NDFIP1: variants seen among roughly 807,000 people sequenced by gnomAD.
NDFIP1 encodes the protein Nedd4 family interacting protein 1, also known as NEDD4 family-interacting protein 1.
NDFIP1 carries 7 observed loss-of-function variants against 28.8 expected under a neutral mutation model. That is an observed-to-expected ratio of 0.24 (90% CI 0.14 to 0.46). NDFIP1 has a LOEUF of 0.46. Ranked by LOEUF, NDFIP1 falls within the 20% of genes least tolerant of loss-of-function variation. NDFIP1 has a pLI of 0.99. For missense variants in NDFIP1, 194 were observed against 269.1 expected, an observed-to-expected ratio of 0.72 and a Z score of 1.95; for synonymous variants, 92 against 101.0, an observed-to-expected ratio of 0.91 and a Z score of 0.53.
chr5:142,135,214 G>T (rs555342864), intron 3 of NDFIP1, among the ~76,000 whole-genome samples: 82 of 152,108 alleles, frequency 5.4e-4, no homozygotes, highest in African/African-American at 2.0e-3. Flanking sequence ...TCCTGACCTC[G>T]TGATCTGCCT....
intron 1 of NDFIP1, among the ~76,000 whole-genome samples, chr5:142,128,754 A>G (rs1757196733): frequency 6.6e-6 from 1 of 152,212 alleles, no homozygotes; most frequent in African/African-American, 2.4e-5. Flanking sequence ...TTTCAATTGA[A>G]AAAAGTACAC....
chr5:142,148,450 A>G (rs1757412888), intron 7 of NDFIP1, among the ~76,000 whole-genome samples: 1 of 152,178 alleles, frequency 6.6e-6, no homozygotes, highest in African/African-American at 2.4e-5. Flanking sequence ...CACAGTGGCC[A>G]TCAAGAAGTA....
At position 142,153,412 on chromosome 5, in the gene NDFIP1, C is replaced by G. The variant is rs772535162; in HGVS notation, c.*1684C>G. ...TCCAGAATCAGCATAGGAAGTCGTT[C>G]AGGATATCAGTATATAATGCACAGA... On this transcript the variant is annotated 3_prime_UTR_variant, in exon 8 of 8. Coordinates refer to ENST00000253814, the MANE Select transcript of NDFIP1 (RefSeq NM_030571.4). 4.4e-6 allele frequency: 2 copies of G among 457,024 alleles called. No individual in the cohort carries two copies. The highest frequency in any genetic ancestry group is 1.5e-5 in the South Asian group (1 of 64,558). 28.3% of individuals were successfully genotyped at this position (457,024 alleles called of 1,614,324 possible).
chr5:142,145,080 A>G (rs1461506913), intron 7 of NDFIP1, among the ~76,000 whole-genome samples: 1 of 152,200 alleles, frequency 6.6e-6, no homozygotes, highest in Non-Finnish European at 1.5e-5. Context: ...AAATCCCAGA[A>G]CCTGGAGAGA....
intron 1 of NDFIP1, among the ~76,000 whole-genome samples, chr5:142,130,239 A>G (rs1400112788): frequency 2.0e-5 from 3 of 152,222 alleles, no homozygotes; most frequent in Admixed American, 6.5e-5. Context: ...ACCAAATGAA[A>G]TGTCTTTATT....
intron 4 of NDFIP1, among the ~76,000 whole-genome samples, chr5:142,136,755 C>A (rs370294744): frequency 0.013 from 951 of 75,936 alleles, no homozygotes; most frequent in South Asian, 0.017. Flanking sequence ...GACTTCGTCT[C>A]AAAAAAAAAA....
intron 3 of NDFIP1, 75 bp downstream of exon 3, chr5:142,132,417 C>T (rs1041259335): frequency 1.0e-5 from 16 of 1,524,340 alleles, no homozygotes; most frequent in Middle Eastern, 1.8e-4. Context: ...AATTTTGATT[C>T]GTTACTTATG....
chr5:142,121,334 T>A (rs1757120099), intron 1 of NDFIP1, among the ~76,000 whole-genome samples: 1 of 152,232 alleles, frequency 6.6e-6, no homozygotes, highest in Non-Finnish European at 1.5e-5. Context: ...CTCCTTTGTG[T>A]TTCTTTTCTG....
At chr5:142,125,551 G>T (rs1757162210) in intron 1 of NDFIP1, among the ~76,000 whole-genome samples, 1 of 152,038 alleles carries the variant, frequency 6.6e-6, no homozygotes, top group Non-Finnish European at 1.5e-5. Context: ...GTAGAGACAG[G>T]ATCTTGCTGT....
intron 1 of NDFIP1, among the ~76,000 whole-genome samples, chr5:142,114,779 C>T (rs1280039724): frequency 6.6e-6 from 1 of 152,156 alleles, no homozygotes; most frequent in African/African-American, 2.4e-5. Flanking sequence ...ACTAACTGTC[C>T]TTTGTATTGA....
At chr5:142,130,719 G>C (rs1441862517) in intron 1 of NDFIP1, among the ~76,000 whole-genome samples, 1 of 151,326 alleles carries the variant, frequency 6.6e-6, no homozygotes, top group African/African-American at 2.4e-5. Context: ...GTATGCAAGT[G>C]ATAAATATTC....
At position 142,132,288 on chromosome 5, in the gene NDFIP1, T is replaced by C. The variant is rs141536913; in HGVS notation, c.228T>C (p.Tyr76=). The C allele has an allele frequency of 1.1e-5, 18 of 1,614,092 alleles. No individual in the cohort carries two copies. The Admixed American group carries it at 2.2e-4, about 19-fold the overall frequency. Residue 76 remains tyrosine, a synonymous_variant, in exon 3 of 8, where the codon TAT becomes TAC. Transcript: ENST00000253814. Reference sequence around the variant, plus strand: ...ATGTAGCTACAACACTGCCCAGTTATGATGAAGCGGAGAGGACCAAGGCTG... The same window carrying C: ...ATGTAGCTACAACACTGCCCAGTTACGATGAAGCGGAGAGGACCAAGGCTG... The part of the protein sequence containing the change: ...SYNVATTLPS[Y]DEAERTKAEA...
chr5:142,120,663 C>T (rs1253442381), intron 1 of NDFIP1, among the ~76,000 whole-genome samples: 1 of 152,184 alleles, frequency 6.6e-6, no homozygotes, highest in Non-Finnish European at 1.5e-5. Context: ...ATTTGCTAAA[C>T]TTGCAGACTT....
chr5:142,115,408 T>C (rs1218699072), intron 1 of NDFIP1, among the ~76,000 whole-genome samples: 1 of 152,014 alleles, frequency 6.6e-6, no homozygotes, highest in Non-Finnish European at 1.5e-5. Context: ...CTCAGCCTCC[T>C]GAGTAGCTGG....
intron 3 of NDFIP1, among the ~76,000 whole-genome samples, chr5:142,134,801 G>A (rs1757258047): frequency 6.6e-6 from 1 of 152,284 alleles, no homozygotes; most frequent in Admixed American, 6.5e-5. Flanking sequence ...ACGTTATCAA[G>A]TTAGGATGGA....
At chr5:142,149,990 G>T (rs1757428256) in intron 7 of NDFIP1, among the ~76,000 whole-genome samples, 1 of 152,054 alleles carries the variant, frequency 6.6e-6, no homozygotes, top group African/African-American at 2.4e-5. Context: ...GACCATCCTG[G>T]CTAACACAGT....
chr5:142,139,760 A>G (rs546588932), intron 5 of NDFIP1, among the ~76,000 whole-genome samples: 1 of 152,248 alleles, frequency 6.6e-6, no homozygotes, highest in African/African-American at 2.4e-5. Context: ...AAAGAAGGCA[A>G]TGGTATCATC....
At chr5:142,113,507 T>G (rs1047523702) in intron 1 of NDFIP1, among the ~76,000 whole-genome samples, 11 of 152,210 alleles carry the variant, frequency 7.2e-5, no homozygotes, top group African/African-American at 2.2e-4. Context: ...CAAAGAAAAT[T>G]TATAAAAATA....
rs1757451251 is a variant in NDFIP1, at chr5:142,151,999, T to G, written c.*271T>G. ...AAGTCTGTGATGTATTAATAATGCC[T>G]TATATATTGTTTGTAGTCATTTTAA... On this transcript the variant is annotated 3_prime_UTR_variant, in exon 8 of 8. Coordinates refer to ENST00000253814, the MANE Select transcript of NDFIP1 (RefSeq NM_030571.4). The G allele has an allele frequency of 6.5e-6, 1 of 152,800 alleles. No homozygotes were observed. The highest frequency in any genetic ancestry group is 1.5e-5 in the Non-Finnish European group (1 of 68,040). The allele number at this position is 152,800 out of a possible 1,614,324, so 9.5% of individuals were successfully genotyped here.
Sources: gnomAD v4.1 joint callset for allele counts (sites outside exome capture counted in the v4.1 genomes callset) on GRCh38, gnomAD v4.1.1 for gene constraint, MANE v1.5 for transcripts, NCBI Gene and HGNC (gene_info 2026-07-23, HGNC 2026-07-21) for gene names.